Variants in TRPC5 observed in about 807,000 individuals in gnomAD.
TRPC5 encodes the protein short transient receptor potential channel 5.
TRPC5 carries 9 observed loss-of-function variants against 56.5 expected under a neutral mutation model. That is an observed-to-expected ratio of 0.16 (90% CI 0.10 to 0.28). The LOEUF is 0.28. Among genes scored for constraint, TRPC5 ranks in the 10% least tolerant of loss-of-function variants. TRPC5 has a pLI of 1.00. For missense variants in TRPC5, 469 were observed against 748.9 expected, an observed-to-expected ratio of 0.63 and a Z score of 4.36; for synonymous variants, 282 against 278.5, an observed-to-expected ratio of 1.01 and a Z score of -0.13.
chrX:111,771,096 T>C lies in TRPC5; in HGVS notation c.*5217A>G, dbSNP rs1207519177. ...TGGTTCTATCAAGTCACTGGAGTTA[T>C]AAAGAAAGTTCTTTGAGGGGGAGGA... On this transcript the variant is annotated 3_prime_UTR_variant, in exon 11 of 11. Coordinates refer to ENST00000262839, the MANE Select transcript of TRPC5 (RefSeq NM_012471.3). 3.6e-5 allele frequency among the ~76,000 whole-genome samples: 4 copies of C among 111,834 alleles called. No individual in the cohort carries two copies. Among genetic ancestry groups the C allele is most frequent in the Middle Eastern group, 4.6e-3 (1 of 216 alleles).
intron 1 of TRPC5, among the ~76,000 whole-genome samples, chrX:112,055,266 C>T (rs949405743): frequency 2.7e-5 from 3 of 112,129 alleles, no homozygotes; most frequent in African/African-American, 9.7e-5. Flanking sequence ...TGCCATTCTG[C>T]TTCTAGAAGG....
chrX:111,965,521 A>AT (rs1039248294), intron 1 of TRPC5, among the ~76,000 whole-genome samples: 2 of 111,705 alleles, frequency 1.8e-5, no homozygotes, highest in Non-Finnish European at 3.8e-5. Context: ...CAGAATATAC[A>AT]TTTTTTTCAG....
At chrX:111,901,374 G>A (rs901772759) in intron 3 of TRPC5, among the ~76,000 whole-genome samples, 2 of 111,819 alleles carry the variant, frequency 1.8e-5, no homozygotes, top group Non-Finnish European at 3.8e-5. Context: ...AAAGGAAAGA[G>A]AAGTAGTAGA....
intron 6 of TRPC5, among the ~76,000 whole-genome samples, chrX:111,846,598 C>T (rs962682621): frequency 3.6e-5 from 4 of 111,377 alleles, no homozygotes; most frequent in African/African-American, 1.3e-4. Flanking sequence ...ATTAATGTAA[C>T]AGGAGAGTGG....
At chrX:111,979,329 G>A (rs1928015979) in intron 1 of TRPC5, among the ~76,000 whole-genome samples, 1 of 111,119 alleles carries the variant, frequency 9.0e-6, no homozygotes, top group South Asian at 3.8e-4. Flanking sequence ...ATTCAAAATG[G>A]ATCACAGACC....
At chrX:111,898,807 G>T (rs1925196744) in intron 3 of TRPC5, among the ~76,000 whole-genome samples, 1 of 110,432 alleles carries the variant, frequency 9.1e-6, no homozygotes, top group African/African-American at 3.3e-5. Context: ...AGGTTGAGGG[G>T]TAAGAAATCT....
At chrX:112,002,296 A>T (rs1481360474) in intron 1 of TRPC5, among the ~76,000 whole-genome samples, 1 of 111,275 alleles carries the variant, frequency 9.0e-6, no homozygotes, top group Non-Finnish European at 1.9e-5. Flanking sequence ...ACTGGGTTCT[A>T]GTCACACTGG....
intron 1 of TRPC5, among the ~76,000 whole-genome samples, chrX:112,008,474 C>T (rs367668873): frequency 1.8e-5 from 2 of 109,748 alleles, no homozygotes; most frequent in East Asian, 5.7e-4. Flanking sequence ...GTGGTGGGTG[C>T]CTGTAGTCCC....
intron 1 of TRPC5, among the ~76,000 whole-genome samples, chrX:111,973,864 T>C (rs1927849164): frequency 8.9e-6 from 1 of 111,964 alleles, no homozygotes; most frequent in Non-Finnish European, 1.9e-5. Context: ...ACATATGTTG[T>C]AGAAATATTA....
chrX:111,782,037 G>A lies in TRPC5; in HGVS notation c.1998C>T (p.Ser666=). ...TACCAAGGTATAGAAATGACTTGGGGCTGGGGATGATGTTGAAAGGAGGTG... is the reference window on the plus strand; with the variant it reads ...TACCAAGGTATAGAAATGACTTGGGACTGGGGATGATGTTGAAAGGAGGTG... ...TLPPPFNIIP[S]PKSFLYLGNW... is the part of the protein sequence containing the mutation. The change falls in exon 8 of 11, where the codon AGC becomes AGT. Residue 666 remains serine (S), a synonymous_variant. Transcript: ENST00000262839. 3.3e-6 allele frequency: 4 copies of A among 1,211,106 alleles called. No individual in the cohort carries two copies. Among genetic ancestry groups the A allele is most frequent in the Middle Eastern group, 2.3e-4 (1 of 4,340 alleles).
At chrX:111,976,266 T>C (rs189960992) in intron 1 of TRPC5, among the ~76,000 whole-genome samples, 505 of 109,814 alleles carry the variant, frequency 4.6e-3, no homozygotes, top group Non-Finnish European at 7.5e-3. Flanking sequence ...CTGTAAAAAA[T>C]AGAAAAATTA....
At chrX:112,010,553 G>A (rs1046414752) in intron 1 of TRPC5, among the ~76,000 whole-genome samples, 2 of 111,597 alleles carry the variant, frequency 1.8e-5, no homozygotes, top group East Asian at 5.6e-4. Flanking sequence ...AACCTGTACA[G>A]TATGTTACTG....
At position 112,060,796 on chromosome X, in the gene TRPC5, C is replaced by G. The variant is rs533795489; in HGVS notation, c.-22+21083G>C. ...ATATGACTGAAAACCATCAACAGAA[C>G]CTAGTTGGAAAGGCTTCCCCCAAAA... On this transcript the variant is annotated intron_variant, in intron 1 of 10. Transcript: ENST00000262839. 2.0e-4 allele frequency among the ~76,000 whole-genome samples: 23 copies of G among 112,619 alleles called. No individual in the cohort carries two copies. The South Asian group carries it at 8.1e-3, about 40-fold the overall frequency.
Position 111,889,014 on chromosome X carries a change from G to C in TRPC5, c.900+23277C>G, listed in dbSNP as rs1924675291. Among the ~76,000 whole-genome samples, 6 of 112,158 alleles carry C rather than the reference G, an allele frequency of 5.3e-5. No individual in the cohort carries two copies. In the Admixed American group the frequency reaches 5.7e-4, roughly 11 times the overall value. On this transcript the variant is annotated intron_variant, in intron 3 of 10. Coordinates refer to ENST00000262839, the MANE Select transcript of TRPC5 (RefSeq NM_012471.3). ...CCAAGGATTTAGTTTTGAATGTACT[G>C]TGTTGAATTTTACAGGAATCAATGT...
At chrX:111,986,348 T>G (rs1448532885) in intron 1 of TRPC5, among the ~76,000 whole-genome samples, 1 of 110,136 alleles carries the variant, frequency 9.1e-6, no homozygotes, top group Non-Finnish European at 1.9e-5. Context: ...ATTCTTAATA[T>G]CCATTCCCAC....
At chrX:112,031,350 C>G (rs1466473021) in intron 1 of TRPC5, among the ~76,000 whole-genome samples, 5 of 111,740 alleles carry the variant, frequency 4.5e-5, no homozygotes, top group Non-Finnish European at 9.4e-5. Context: ...CTTCCCTGCT[C>G]TACTCAAACC....
At chrX:111,997,644 G>A (rs1025894716) in intron 1 of TRPC5, among the ~76,000 whole-genome samples, 4 of 110,050 alleles carry the variant, frequency 3.6e-5, no homozygotes, top group Non-Finnish European at 7.6e-5. Context: ...ACATAGATTT[G>A]GTCTTTTCAC....
chrX:112,079,460 C>T (rs1930911595), intron 1 of TRPC5, among the ~76,000 whole-genome samples: 1 of 112,201 alleles, frequency 8.9e-6, no homozygotes, highest in Non-Finnish European at 1.9e-5. Flanking sequence ...TCATTGTTTA[C>T]ACAGTGTTTG....
At chrX:111,970,091 A>ACCT (rs1238091172) in intron 1 of TRPC5, among the ~76,000 whole-genome samples, 11 of 111,144 alleles carry the variant, frequency 9.9e-5, no homozygotes, top group Non-Finnish European at 1.7e-4. Flanking sequence ...GAACCTTCAA[A>ACCT]TAATATCCAA....
Sources: allele counts gnomAD v4.1 joint callset (sites outside exome capture counted in the v4.1 genomes callset), GRCh38; gene constraint gnomAD v4.1.1; transcripts MANE v1.5; gene names NCBI Gene and HGNC (gene_info 2026-07-23, HGNC 2026-07-21).